Variants in CBFA2T3 observed in about 807,000 individuals in gnomAD.
CBFA2T3 encodes the protein transcriptional corepressor CBFA2T3.
Under a neutral mutation model 58.6 loss-of-function variants are expected in CBFA2T3, and 31 were observed. The ratio of observed to expected loss-of-function variants is 0.53; its 90% CI spans 0.40 to 0.71. The LOEUF (loss-of-function observed/expected upper bound fraction) is 0.71. Among genes scored for constraint, CBFA2T3 ranks in the 30% least tolerant of loss-of-function variants. The pLI is 0.00. For synonymous variants in CBFA2T3, 531 were observed against 421.9 expected (o/e 1.26, Z -3.17); for missense variants, 1,076 against 963.1 (o/e 1.12, Z -1.55).
intron 2 of CBFA2T3, among the ~76,000 whole-genome samples, 160 bp downstream of exon 2, chr16:88,901,344 T>C (rs897658378): frequency 6.6e-6 from 1 of 152,198 alleles, no homozygotes; most frequent in Non-Finnish European, 1.5e-5. Flanking sequence ...AAGCTGGGAT[T>C]TGAACCGGCC....
At chr16:88,941,017 T>C (rs904171731) in intron 1 of CBFA2T3, 6 of 979,782 alleles carry the variant, frequency 6.1e-6, no homozygotes, top group Non-Finnish European at 7.3e-6. Context: ...ACACGGCACT[T>C]ACGGTCGGGG....
Position 88,886,120 on chromosome 16 carries a change from C to T in CBFA2T3, c.734G>A (p.Arg245Gln), listed in dbSNP as rs535408745. The part of the protein sequence containing the change: ...FLKANLPLLQ[R>Q]ELLHCARLAK... ...CAGGCGTGCACAGTGCAGGAGCTCCCGCTGCAGCAAGGGCAGGTTTGCCTG... is the reference window on the plus strand; with the variant it reads ...CAGGCGTGCACAGTGCAGGAGCTCCTGCTGCAGCAAGGGCAGGTTTGCCTG... The change falls in exon 6 of 12, where the codon CGG becomes CAG. Residue 245 changes from arginine to glutamine, a missense_variant. Physicochemically the swap from Arg to Gln is conservative, Grantham distance 43 (BLOSUM62 1). Transcript: ENST00000268679. 2.8e-5 allele frequency: 43 copies of T among 1,549,676 alleles called. No homozygotes were observed. The highest frequency in any genetic ancestry group is 2.3e-4 in the Middle Eastern group (1 of 4,376).
chr16:88,906,548 A>C lies in CBFA2T3; in HGVS notation c.152-4892T>G, dbSNP rs893167159. Among the ~76,000 whole-genome samples, 4 of 152,250 alleles carry C rather than the reference A, an allele frequency of 2.6e-5. No individual in the cohort carries two copies. In the South Asian group the frequency reaches 8.3e-4, roughly 32 times the overall value. Reference sequence around the variant, plus strand: ...ACAGTAGACACCAGTGTCCTGGTGCAATGGCCCTGAGGCAACCCCGGGGGC... The same window carrying C: ...ACAGTAGACACCAGTGTCCTGGTGCCATGGCCCTGAGGCAACCCCGGGGGC... On this transcript the variant is annotated intron_variant, in intron 1 of 11. Coordinates refer to ENST00000268679, the MANE Select transcript of CBFA2T3 (RefSeq NM_005187.6).
intron 1 of CBFA2T3, among the ~76,000 whole-genome samples, chr16:88,952,625 C>A (rs1972106578): frequency 6.6e-6 from 1 of 152,134 alleles, no homozygotes; most frequent in Admixed American, 6.5e-5. Flanking sequence ...CTCACAGGCA[C>A]ACACCGCTCC....
At chr16:88,952,533 C>A (rs1239960987) in intron 1 of CBFA2T3, among the ~76,000 whole-genome samples, 1 of 152,168 alleles carries the variant, frequency 6.6e-6, no homozygotes, top group Non-Finnish European at 1.5e-5. Context: ...TGCGGCCCTG[C>A]CACTCCCTGA....
chr16:88,966,790 G>A (rs990485323), intron 1 of CBFA2T3, among the ~76,000 whole-genome samples: 1 of 152,212 alleles, frequency 6.6e-6, no homozygotes, highest in Non-Finnish European at 1.5e-5. Context: ...GGCCCTGCCT[G>A]GCTTGCAGAG....
chr16:88,886,524 C>T (rs1166335067), intron 5 of CBFA2T3: 10 of 176,578 alleles, frequency 5.7e-5, no homozygotes, highest in African/African-American at 1.2e-4. Context: ...CGCCTGCACC[C>T]GCCCTGCCCA....
intron 3 of CBFA2T3, among the ~76,000 whole-genome samples, chr16:88,897,825 C>G (rs2142619269): frequency 6.6e-6 from 1 of 152,346 alleles, no homozygotes; most frequent in South Asian, 2.1e-4. Flanking sequence ...AAGGAGAGCT[C>G]AGAGAGGCTC....
At chr16:88,975,278 C>T (rs1252262079) in intron 1 of CBFA2T3, among the ~76,000 whole-genome samples, 3 of 118,196 alleles carry the variant, frequency 2.5e-5, no homozygotes, top group African/African-American at 5.5e-5. Context: ...CTCTAGCCAG[C>T]AGCCCCTCGC....
At position 88,950,556 on chromosome 16, in the gene CBFA2T3, G is replaced by A. The variant is rs774421374; in HGVS notation, c.151+26101C>T. On this transcript the variant is annotated intron_variant, in intron 1 of 11. Coordinates refer to ENST00000268679, the MANE Select transcript of CBFA2T3 (RefSeq NM_005187.6). The stretch of plus-strand genomic sequence containing the variant: ...TTCACCCGTCCCCTGGACCGGCACC[G>A]CCACAGAGGGTCAGGAGTGTTGGCA... The A allele has an allele frequency of 4.7e-5, 20 of 427,752 alleles. 1 individual carries two copies. The highest frequency in any genetic ancestry group is 1.8e-4 in the South Asian group (11 of 62,710). The allele number at this position is 427,752 out of a possible 1,614,324, so 26.5% of individuals were successfully genotyped here.
At chr16:88,889,899 T>C (rs1332473638) in intron 5 of CBFA2T3, among the ~76,000 whole-genome samples, 1 of 128,680 alleles carries the variant, frequency 7.8e-6, no homozygotes, top group Non-Finnish European at 1.6e-5. Flanking sequence ...TTCCTCCTCC[T>C]TCAGGGACGA....
In CBFA2T3 at chr16:88,968,359, C is replaced by G. The variant is rs375579956; in HGVS notation, c.151+8298G>C. On this transcript the variant is annotated intron_variant, in intron 1 of 11. Transcript: ENST00000268679. Reference sequence around the variant, plus strand: ...TCCCACCCGCCGCCCGGAGAGCCCCCCAGGTGGGGACGGCCCCTTGCACTG... The same window carrying G: ...TCCCACCCGCCGCCCGGAGAGCCCCGCAGGTGGGGACGGCCCCTTGCACTG... Among the ~76,000 whole-genome samples, 707 of 152,356 alleles carry G rather than the reference C, an allele frequency of 4.6e-3. 4 individuals carry two copies. Among genetic ancestry groups the G allele is most frequent in the African/African-American group, 0.016 (683 of 41,588 alleles).
At position 88,930,898 on chromosome 16, in the gene CBFA2T3, G is replaced by C. The variant is rs148003815; in HGVS notation, c.152-29242C>G. Among the ~76,000 whole-genome samples, 1,274 of 151,038 alleles carry C rather than the reference G, an allele frequency of 8.4e-3. 64 individuals are homozygous for C. The highest frequency in any genetic ancestry group is 0.028 in the African/African-American group (1,145 of 40,594). On this transcript the variant is annotated intron_variant, in intron 1 of 11. Transcript: ENST00000268679. ...CAGTGGGAGTGGGGTTTCCTTTCCG[G>C]GTGATGAGCACGTGTGGGAGCGAGC...
chr16:88,906,358 C>T (rs1287791789), intron 1 of CBFA2T3, among the ~76,000 whole-genome samples: 6 of 152,214 alleles, frequency 3.9e-5, no homozygotes, highest in Admixed American at 3.3e-4. Context: ...GGGCTACCAG[C>T]CCACGGCTGC....
chr16:88,965,409 A>G (rs1972476260), intron 1 of CBFA2T3, among the ~76,000 whole-genome samples: 1 of 152,236 alleles, frequency 6.6e-6, no homozygotes, highest in Non-Finnish European at 1.5e-5. Context: ...CAATGTTTAG[A>G]GGCTGCAAAT....
Position 88,977,187 on chromosome 16 carries a change from T to A in CBFA2T3, c.-380A>T. The A allele has an allele frequency of 3.7e-6, 1 of 269,698 alleles. No individual in the cohort carries two copies. The highest frequency in any genetic ancestry group is 5.5e-5 in the East Asian group (1 of 18,278). The allele number at this position is 269,698 out of a possible 1,614,324, so 16.7% of individuals were successfully genotyped here. A position where few individuals can be genotyped will look rare whatever the true frequency, so the allele number is the denominator to read the frequency against. Reference sequence around the variant, plus strand: ...TCTGGGGCCCTGCCCTGCGCGGCCTTCCCTCGGGCCATTCCGGTTTGACCT... The same window carrying A: ...TCTGGGGCCCTGCCCTGCGCGGCCTACCCTCGGGCCATTCCGGTTTGACCT... On this transcript the variant is annotated 5_prime_UTR_variant, in exon 1 of 12. The change creates a premature stop within an existing upstream ORF in the 5' untranslated region. Coordinates refer to ENST00000268679, the MANE Select transcript of CBFA2T3 (RefSeq NM_005187.6).
intron 1 of CBFA2T3, among the ~76,000 whole-genome samples, chr16:88,913,364 G>A (rs1970590348): frequency 6.6e-6 from 1 of 152,258 alleles, no homozygotes; most frequent in Admixed American, 6.5e-5. Context: ...TGCCAAAACT[G>A]CCAACCTAAA....
At position 88,901,620 on chromosome 16, in the gene CBFA2T3, G is replaced by A. The variant is rs377280725; in HGVS notation, c.188C>T (p.Pro63Leu). 8.5e-6 allele frequency: 13 copies of A among 1,526,686 alleles called. No homozygotes were observed. Among genetic ancestry groups the A allele is most frequent in the African/African-American group, 1.5e-5 (1 of 68,602 alleles). The allele number at this position is 1,526,686 out of a possible 1,614,324, so 94.6% of individuals were successfully genotyped here. The change falls in exon 2 of 12, where the codon CCG (proline) becomes CTG (leucine). Residue 63 changes from proline (P) to leucine (L), a missense_variant. Physicochemically the swap from Pro to Leu is moderately conservative, Grantham distance 98. Coordinates refer to ENST00000268679, the MANE Select transcript of CBFA2T3 (RefSeq NM_005187.6). ...CGTCTTCACCTCCGCTGGGGAGTCC[G>A]GCATCGCTGAGGCCTTAGCTTTCCT... ...VDRKAKASAM[P>L]DSPAEVKTQP... is the part of the protein sequence containing the mutation.
At chr16:88,879,542 T>C (rs938379730) in intron 10 of CBFA2T3, 82 bp from the exon 11 acceptor site, 3 of 1,291,488 alleles carry the variant, frequency 2.3e-6, no homozygotes, top group Non-Finnish European at 3.3e-6. Flanking sequence ...GGCCACAACC[T>C]GGGGACAGGG....
Sources: allele counts gnomAD v4.1 joint callset (sites outside exome capture counted in the v4.1 genomes callset), GRCh38; gene constraint gnomAD v4.1.1; transcripts MANE v1.5; gene names NCBI Gene and HGNC (gene_info 2026-07-23, HGNC 2026-07-21).